PSME4: variants seen among roughly 807,000 people sequenced by gnomAD.
PSME4 encodes proteasome activator complex subunit 4.
A neutral mutation model predicts 253.9 loss-of-function variants in PSME4; 89 were observed. That is an observed-to-expected ratio of 0.35 (90% confidence interval 0.30 to 0.42). PSME4 has a LOEUF of 0.42. Among genes scored for constraint, PSME4 ranks in the 10% least tolerant of loss-of-function variants. PSME4 has a pLI of 1.00. For synonymous variants in PSME4, 851 were observed against 759.2 expected (o/e 1.12, Z -1.99); for missense variants, 2,014 against 2,195.2 (o/e 0.92, Z 1.65).
intron 3 of PSME4, among the ~76,000 whole-genome samples, chr2:53,946,502 A>G (rs2104473878): frequency 6.6e-6 from 1 of 152,320 alleles, no homozygotes; most frequent in Middle Eastern, 3.4e-3. Flanking sequence ...TTTAAAGAAG[A>G]CTCAGTCAAA....
chr2:53,952,584 G>A (rs1670049339), intron 1 of PSME4, among the ~76,000 whole-genome samples: 1 of 152,092 alleles, frequency 6.6e-6, no homozygotes, highest in South Asian at 2.1e-4. Flanking sequence ...CTGGAGTCAT[G>A]CATTCATTCT....
rs1679750353 is a variant in PSME4 at position 53,888,664 on chromosome 2, C to T, written c.4388+57G>A. ...TATAGACCATTCATTTCCATTTATACATAAGTTAACACAAAACCTTTCGTG... is the reference window on the plus strand; with the variant it reads ...TATAGACCATTCATTTCCATTTATATATAAGTTAACACAAAACCTTTCGTG... On this transcript the variant is annotated intron_variant, in intron 38 of 46. Coordinates refer to ENST00000404125, the MANE Select transcript of PSME4 (RefSeq NM_014614.3). 4.8e-5 allele frequency: 58 copies of T among 1,209,474 alleles called. 2 individuals are homozygous for T. In the South Asian group the frequency reaches 7.4e-4, roughly 15 times the overall value. The allele number at this position is 1,209,474 out of a possible 1,614,324, so 74.9% of individuals were successfully genotyped here.
chr2:53,961,933 G>A (rs1461921865), intron 1 of PSME4, among the ~76,000 whole-genome samples: 3 of 152,152 alleles, frequency 2.0e-5, no homozygotes, highest in Admixed American at 6.6e-5. Flanking sequence ...TATTTGTCCC[G>A]ATTGGCTAGC....
intron 3 of PSME4, 127 bp downstream of exon 3, chr2:53,948,294 A>G: frequency 1.5e-6 from 1 of 682,930 alleles, no homozygotes; most frequent in Non-Finnish European, 2.6e-6. Context: ...GAGTCAAATT[A>G]CACAGAAATA....
intron 26 of PSME4, 84 bp from the exon 27 acceptor site, chr2:53,904,240 G>A: frequency 7.6e-7 from 1 of 1,307,336 alleles, no homozygotes; most frequent in South Asian, 1.6e-5. Context: ...AAACAGTAAT[G>A]ATAATTTACA....
chr2:53,970,758 G>T lies in PSME4; in HGVS notation c.27C>A (p.Val9=). ...GCCCGCCCGGCTCCGGGGGCTCTCCGACTCCCGCCCGCTCGGCCGGCTCCA... is the reference window on the plus strand; with the variant it reads ...GCCCGCCCGGCTCCGGGGGCTCTCCTACTCCCGCCCGCTCGGCCGGCTCCA... MEPAERAG[V]GEPPEPGGRP... Residue 9 remains valine, a synonymous_variant, in exon 1 of 47, where the codon GTC becomes GTA. Coordinates refer to ENST00000404125, the MANE Select transcript of PSME4 (RefSeq NM_014614.3). The T allele has an allele frequency of 6.5e-7, 1 of 1,544,434 alleles. No individual in the cohort carries two copies.
At chr2:53,907,145 A>C (rs1291958356) in intron 24 of PSME4, among the ~76,000 whole-genome samples, 1 of 152,188 alleles carries the variant, frequency 6.6e-6, no homozygotes, top group Non-Finnish European at 1.5e-5. Flanking sequence ...AGAGCAACAG[A>C]GTTGTGTTCT....
chr2:53,920,964 T>C lies in PSME4; in HGVS notation c.2187A>G (p.Thr729=), dbSNP rs754859889. ...TGCAGTATTCTGTAGGGTAGATAAG[T>C]GTGGTAGAACGGAGAAGATGATGCA... is the stretch of plus-strand genomic sequence containing the variant. ...NLLHHLLRST[T]LIYPTEYCSV... The change falls in exon 18 of 47, where the codon ACA becomes ACG. Residue 729 remains threonine, a synonymous_variant. Coordinates refer to ENST00000404125, the MANE Select transcript of PSME4 (RefSeq NM_014614.3). 2 of 1,614,026 alleles carry C rather than the reference T, an allele frequency of 1.2e-6. No homozygotes were observed. Among genetic ancestry groups the C allele is most frequent in the South Asian group, 2.2e-5 (2 of 91,082 alleles).
chr2:53,925,936 G>A (rs201254548), intron 13 of PSME4, 23 bp downstream of exon 13: 94 of 1,594,178 alleles, frequency 5.9e-5, no homozygotes, highest in Middle Eastern at 5.0e-4. Context: ...TCAGCTAAAC[G>A]TTGGTGTGGG....
At chr2:53,918,613 T>C (rs1668162998) in intron 20 of PSME4, among the ~76,000 whole-genome samples, 1 of 152,182 alleles carries the variant, frequency 6.6e-6, no homozygotes, top group Non-Finnish European at 1.5e-5. Flanking sequence ...GCACTGGGCC[T>C]CTGCTGATTT....
At position 53,936,120 on chromosome 2, in the gene PSME4, T is replaced by C; in HGVS notation, c.801A>G (p.Ile267Met). 1 of 1,613,542 alleles carries C rather than the reference T, an allele frequency of 6.2e-7. No homozygotes were observed. The highest frequency in any genetic ancestry group is 8.5e-7 in the Non-Finnish European group (1 of 1,179,690). ...NLFARLATDN[I>M]GYIDWDPYVP... ...CATATGGATCCCAATCTATGTACCC[T>C]ATATTATCTGTAGCCAATCGAGCAA... The change falls in exon 7 of 47, where the codon ATA (isoleucine) becomes ATG (methionine). Residue 267 changes from isoleucine to methionine, a missense_variant. Ile to Met is a conservative substitution (Grantham distance 10). Coordinates refer to ENST00000404125, the MANE Select transcript of PSME4 (RefSeq NM_014614.3).
intron 1 of PSME4, among the ~76,000 whole-genome samples, chr2:53,956,807 A>C (rs1368831335): frequency 6.6e-6 from 1 of 152,140 alleles, no homozygotes; most frequent in Non-Finnish European, 1.5e-5. Flanking sequence ...TGTAAAATAC[A>C]ATGTTTAAAA....
intron 23 of PSME4, 22 bp from the exon 24 acceptor site, chr2:53,908,440 T>A (rs1315656469): frequency 6.2e-7 from 1 of 1,612,420 alleles, no homozygotes; most frequent in African/African-American, 1.3e-5. Flanking sequence ...AATTTCAAAT[T>A]GTATTTGCAA....
intron 10 of PSME4, among the ~76,000 whole-genome samples, chr2:53,928,733 C>A (rs1668685018): frequency 6.6e-6 from 1 of 152,162 alleles, no homozygotes; most frequent in African/African-American, 2.4e-5. Flanking sequence ...GGTCTTCAAA[C>A]ACATCCCTCA....
At chr2:53,924,055 A>C (rs1490642615) in intron 14 of PSME4, among the ~76,000 whole-genome samples, 1 of 152,102 alleles carries the variant, frequency 6.6e-6, no homozygotes, top group East Asian at 1.9e-4. Context: ...AACAAAGGGA[A>C]TTTTTTGGAA....
chr2:53,945,852 CAG>C (rs1334058734), intron 3 of PSME4, among the ~76,000 whole-genome samples: 1 of 152,150 alleles, frequency 6.6e-6, no homozygotes, highest in Non-Finnish European at 1.5e-5. Flanking sequence ...AAAATTGTCA[CAG>C]TGTAGGTAAT....
In PSME4 at chr2:53,906,688, C is replaced by A; in HGVS notation, c.2853G>T (p.Arg951=). 6.3e-7 allele frequency: 1 copy of A among 1,599,028 alleles called. No individual in the cohort carries two copies. Residue 951 remains arginine, a synonymous_variant, in exon 26 of 47, where the codon CGG becomes CGT. Transcript: ENST00000404125. ...ATTCACAACCCTCAACAGTTAGTGT[C>A]CGTAGCTAAGAAAACAATCGCAAAC... ...IDRVMLQHEL[R]TLTVEGCEYK... is the part of the protein sequence containing the mutation.
At chr2:53,900,470 C>T (rs1029972000) in intron 28 of PSME4, among the ~76,000 whole-genome samples, 4 of 151,578 alleles carry the variant, frequency 2.6e-5, no homozygotes, top group Non-Finnish European at 4.4e-5. Context: ...ACTAGGAAGG[C>T]TGAGGCAGGG....
At chr2:53,904,391 G>A (rs978917894) in intron 26 of PSME4, among the ~76,000 whole-genome samples, 3 of 152,144 alleles carry the variant, frequency 2.0e-5, no homozygotes, top group African/African-American at 7.2e-5. Flanking sequence ...AAATATGTTT[G>A]ATAAAGGGGA....
Sources: allele counts gnomAD v4.1 joint callset (sites outside exome capture counted in the v4.1 genomes callset), GRCh38; gene constraint gnomAD v4.1.1; transcripts MANE v1.5; gene names NCBI Gene and HGNC (gene_info 2026-07-23, HGNC 2026-07-21).